Variants in YBX3 observed in about 807,000 individuals in gnomAD.
The protein encoded by YBX3 is Y-box-binding protein 3.
Under a neutral mutation model 42.4 loss-of-function variants are expected in YBX3, and 29 were observed. That is an observed-to-expected ratio of 0.68 (90% CI 0.51 to 0.93). YBX3 has a LOEUF of 0.93. Ranked by LOEUF, YBX3 falls within the 40% of genes least tolerant of loss-of-function variation. The pLI is 0.00. For missense variants in YBX3, 517 were observed against 527.5 expected, an observed-to-expected ratio of 0.98 and a Z score of 0.19; for synonymous variants, 195 against 189.8, an observed-to-expected ratio of 1.03 and a Z score of -0.22.
chr12:10,710,381 A>C (rs1948186886), intron 5 of YBX3: 2 of 1,369,308 alleles, frequency 1.5e-6, no homozygotes, highest in African/African-American at 2.9e-5. Context: ...TAGTCATCTC[A>C]TTAGAACTCG....
intron 1 of YBX3, among the ~76,000 whole-genome samples, chr12:10,721,165 CAG>C (rs758418454): frequency 2.0e-5 from 3 of 152,170 alleles, no homozygotes; most frequent in African/African-American, 7.2e-5. Context: ...ACACACTAGA[CAG>C]AGACAAACAG....
chr12:10,710,132 C>T lies in YBX3; in HGVS notation c.574-18G>A, dbSNP rs1279839405. The stretch of plus-strand genomic sequence containing the variant: ...CCAGCGTACTAGCGAAGCAAAGAAA[C>T]AGAGATTCAGAAGAAGTTTTAGCAA... On this transcript the variant is annotated intron_variant, in intron 5 of 9. Transcript: ENST00000228251. 6.2e-7 allele frequency: 1 copy of T among 1,608,894 alleles called. No individual in the cohort carries two copies. The highest frequency in any genetic ancestry group is 1.3e-5 in the African/African-American group (1 of 74,834).
rs1259198260 is a variant in YBX3 at position 10,710,031 on chromosome 12, G to A, written c.657C>T (p.Ala219=). ...ACTGGGGGCGGCGCAGCTGATTCCGGGCCCCAGAGAACTGCCTATCAGTGG... is the reference window on the plus strand; with the variant it reads ...ACTGGGGGCGGCGCAGCTGATTCCGAGCCCCAGAGAACTGCCTATCAGTGG... ...PPATDRQFSG[A]RNQLRRPQYR... The change falls in exon 6 of 10, where the codon GCC becomes GCT. Residue 219 remains alanine, a synonymous_variant. Coordinates refer to ENST00000228251, the MANE Select transcript of YBX3 (RefSeq NM_003651.5). The A allele has an allele frequency of 1.2e-6, 2 of 1,613,942 alleles. No individual in the cohort carries two copies. The highest frequency in any genetic ancestry group is 1.7e-6 in the Non-Finnish European group (2 of 1,179,968).
rs1948355986 is a variant in YBX3 at position 10,723,185 on chromosome 12, G to A, written c.-74C>T. On this transcript the variant is annotated 5_prime_UTR_variant, in exon 1 of 10. Transcript: ENST00000228251. Reference sequence around the variant, plus strand: ...GGCGGTTAGCGCGGCTGGTGGTCGCGGCGGCCGGGGCTCGCTCTCGGGGAG... The same window carrying A: ...GGCGGTTAGCGCGGCTGGTGGTCGCAGCGGCCGGGGCTCGCTCTCGGGGAG... The A allele has an allele frequency of 2.5e-6, 3 of 1,180,860 alleles. No homozygotes were observed. The highest frequency in any genetic ancestry group is 3.1e-6 in the Non-Finnish European group (3 of 955,184). 73.1% of individuals were successfully genotyped at this position (1,180,860 alleles called of 1,614,324 possible).
intron 5 of YBX3, chr12:10,710,478 A>T (rs1948188224): frequency 8.3e-7 from 1 of 1,202,402 alleles, no homozygotes; most frequent in African/African-American, 1.6e-5. Flanking sequence ...TTTACCATCC[A>T]CTGAGGCAAT....
chr12:10,717,968 A>T (rs1948281287), intron 3 of YBX3, 120 bp downstream of exon 3: 3 of 801,354 alleles, frequency 3.7e-6, no homozygotes, highest in Middle Eastern at 2.9e-4. Flanking sequence ...TGCAAAATAA[A>T]TCACAGAAAG....
rs200948848 is a variant in YBX3 at position 10,702,030 on chromosome 12, C to T, written c.983G>A (p.Gly328Glu). The change falls in exon 8 of 10, where the codon GGA becomes GAA. Residue 328 changes from glycine to glutamate, a missense_variant. Gly to Glu is a moderately conservative substitution (Grantham distance 98). Coordinates refer to ENST00000228251, the MANE Select transcript of YBX3 (RefSeq NM_003651.5). Reference protein sequence around the residue: ...SGPNQPSVRRGYRRPYNYRRR... With the variant: ...SGPNQPSVRREYRRPYNYRRR... ...CCGGTAATTGTAGGGACGCCGGTATCCACGGCGAACAGACGGCTGGTTTGG... is the reference window on the plus strand; with the variant it reads ...CCGGTAATTGTAGGGACGCCGGTATTCACGGCGAACAGACGGCTGGTTTGG... 2.5e-6 allele frequency: 4 copies of T among 1,614,066 alleles called. No homozygotes were observed. In the African/African-American group the frequency reaches 5.3e-5, roughly 22 times the overall value.
chr12:10,699,734 C>A (rs1016413968), intron 9 of YBX3, 80 bp from the exon 10 acceptor site: 3 of 152,570 alleles, frequency 2.0e-5, no homozygotes, highest in Admixed American at 1.3e-4. Flanking sequence ...AAATTATATG[C>A]TTTTCATATA....
rs781694923 is a variant in YBX3, at chr12:10,702,182, C to A, written c.879-48G>T. 49 of 1,544,800 alleles carry A rather than the reference C, an allele frequency of 3.2e-5. No homozygotes were observed. In the East Asian group the frequency reaches 1.1e-3, roughly 34 times the overall value. Reference sequence around the variant, plus strand: ...TAGAACAGGTGCCAACAGGACAGGGCTTCTCCAGAAAATAAGGTTTTATTT... The same window carrying A: ...TAGAACAGGTGCCAACAGGACAGGGATTCTCCAGAAAATAAGGTTTTATTT... On this transcript the variant is annotated intron_variant, in intron 7 of 9. Coordinates refer to ENST00000228251, the MANE Select transcript of YBX3 (RefSeq NM_003651.5).
Position 10,709,964 on chromosome 12 carries a change from C to T in YBX3, c.724G>A (p.Val242Met), listed in dbSNP as rs778673433. ...GAGCGACGGTCAAAGGTCTGTCCCA[C>T]GTGGTAAGGCGGGAACCGCCGCTGC... ...YRQRRFPPYH[V>M]GQTFDRRSRV... is the part of the protein sequence containing the mutation. Residue 242 changes from valine (V) to methionine (M), a missense_variant, in exon 6 of 10, where the codon GTG becomes ATG. Coordinates refer to ENST00000228251, the MANE Select transcript of YBX3 (RefSeq NM_003651.5). 5.0e-6 allele frequency: 8 copies of T among 1,614,030 alleles called. No homozygotes were observed. Among genetic ancestry groups the T allele is most frequent in the Middle Eastern group, 1.7e-4 (1 of 6,058 alleles).
intron 3 of YBX3, among the ~76,000 whole-genome samples, chr12:10,716,902 A>G (rs1948269286): frequency 6.6e-6 from 1 of 151,898 alleles, no homozygotes; most frequent in African/African-American, 2.4e-5. Flanking sequence ...TCACCACACA[A>G]CCTCACGGGG....
At chr12:10,701,856 T>C (rs949521652) in intron 8 of YBX3, 104 bp downstream of exon 8, 11 of 1,328,808 alleles carry the variant, frequency 8.3e-6, no homozygotes, top group South Asian at 7.2e-5. Flanking sequence ...GTTTTTATAT[T>C]TGTTAAGTGT....
At position 10,713,247 on chromosome 12, in the gene YBX3, A is replaced by C. The variant is rs1948220584; in HGVS notation, c.537T>G (p.Arg179=). 1 of 1,613,940 alleles carries C rather than the reference A, an allele frequency of 6.2e-7. No homozygotes were observed. The highest frequency in any genetic ancestry group is 1.3e-5 in the African/African-American group (1 of 74,914). ...GGCCACGGCGCCTTCCATAGTAGCC[A>C]CGTCTGTAACGGCGCCGATCTGCAG... ...RYAADRRRYR[R]GYYGRRRGPP... Residue 179 remains arginine (R), a synonymous_variant, in exon 5 of 10, where the codon CGT becomes CGG. Transcript: ENST00000228251.
chr12:10,719,537 A>G (rs1393823904), intron 1 of YBX3, among the ~76,000 whole-genome samples: 1 of 152,230 alleles, frequency 6.6e-6, no homozygotes, highest in Non-Finnish European at 1.5e-5. Context: ...AGACCTTAAC[A>G]CATCACTTTC....
At chr12:10,707,090 C>T (rs778248752) in intron 6 of YBX3, among the ~76,000 whole-genome samples, 3 of 152,138 alleles carry the variant, frequency 2.0e-5, no homozygotes, top group Non-Finnish European at 4.4e-5. Context: ...CCCCTTCAGA[C>T]TCCCATTCAC....
At chr12:10,715,066 A>G (rs1161402209) in intron 4 of YBX3, among the ~76,000 whole-genome samples, 2 of 152,088 alleles carry the variant, frequency 1.3e-5, no homozygotes, top group African/African-American at 2.4e-5. Flanking sequence ...CACTTTTAAT[A>G]TATTGTTAAT....
At chr12:10,717,308 C>T (rs1948273776) in intron 3 of YBX3, among the ~76,000 whole-genome samples, 1 of 152,192 alleles carries the variant, frequency 6.6e-6, no homozygotes, top group African/African-American at 2.4e-5. Context: ...ACCTGCTGCT[C>T]TATCTTCCTT....
intron 7 of YBX3, chr12:10,703,467 TAGTG>T (rs1948102960): frequency 6.7e-6 from 2 of 298,024 alleles, no homozygotes; most frequent in Non-Finnish European, 1.3e-5. Flanking sequence ...ATCTAATACA[TAGTG>T]AGGCCTTTAC....
At chr12:10,711,975 T>A (rs962248046) in intron 5 of YBX3, 1 of 152,156 alleles carries the variant, frequency 6.6e-6, no homozygotes, top group African/African-American at 2.4e-5. Context: ...AGCAGCTCAT[T>A]CCTAGCTATC....
Sources: gnomAD v4.1 joint callset for allele counts (sites outside exome capture counted in the v4.1 genomes callset) on GRCh38, gnomAD v4.1.1 for gene constraint, MANE v1.5 for transcripts, NCBI Gene and HGNC (gene_info 2026-07-23, HGNC 2026-07-21) for gene names.